KIAA0825: variants seen among roughly 807,000 people sequenced by gnomAD.
KIAA0825 encodes uncharacterized protein KIAA0825.
Under a neutral mutation model 147.6 loss-of-function variants are expected in KIAA0825, and 119 were observed. That is an observed-to-expected ratio of 0.81 (90% CI 0.69 to 0.94). KIAA0825 has a LOEUF of 0.94. Ranked by LOEUF, KIAA0825 falls within the 40% of genes least tolerant of loss-of-function variation. The pLI is 0.00. For synonymous variants in KIAA0825, 470 were observed against 518.1 expected (o/e 0.91, Z 1.26); for missense variants, 1,381 against 1,472.7 (o/e 0.94, Z 1.02).
chr5:94,381,204 G>C (rs994496417), intron 20 of KIAA0825, among the ~76,000 whole-genome samples: 1 of 152,090 alleles, frequency 6.6e-6, no homozygotes, highest in Non-Finnish European at 1.5e-5. Flanking sequence ...CTGAGTGTTC[G>C]ATCTTACAGC....
chr5:94,440,142 G>A, intron 13 of KIAA0825, 21 bp from the exon 14 acceptor site: 1 of 1,549,498 alleles, frequency 6.5e-7, no homozygotes. Context: ...GCAAGATAAA[G>A]ATGGAGTAAT....
intron 20 of KIAA0825, among the ~76,000 whole-genome samples, chr5:94,370,038 A>C (rs561729387): frequency 6.6e-6 from 1 of 152,356 alleles, no homozygotes. Context: ...AAACCTGTAT[A>C]CAAATGTTTT....
chr5:94,251,955 T>C (rs1243855443), intron 20 of KIAA0825, among the ~76,000 whole-genome samples: 1 of 152,068 alleles, frequency 6.6e-6, no homozygotes, highest in Non-Finnish European at 1.5e-5. Context: ...AAAAGTTTTT[T>C]CATTATGGAT....
At chr5:94,170,071 G>A (rs918352216) in intron 20 of KIAA0825, among the ~76,000 whole-genome samples, 10 of 152,034 alleles carry the variant, frequency 6.6e-5, no homozygotes, top group Admixed American at 2.0e-4. Flanking sequence ...AGGTCGAGGC[G>A]GGCAGTTCAC....
intron 20 of KIAA0825, among the ~76,000 whole-genome samples, chr5:94,337,468 G>A (rs1423427115): frequency 1.3e-5 from 2 of 151,990 alleles, no homozygotes; most frequent in Non-Finnish European, 2.9e-5. Context: ...TTTCTCTATT[G>A]TTTACATTTA....
chr5:94,555,324 T>C (rs759959524), intron 2 of KIAA0825, among the ~76,000 whole-genome samples: 5 of 152,168 alleles, frequency 3.3e-5, no homozygotes, highest in Non-Finnish European at 7.4e-5. Context: ...GAACTTGTTA[T>C]TCCATTCAAT....
chr5:94,569,950 A>T (rs1219742057), intron 2 of KIAA0825: 1 of 154,326 alleles, frequency 6.5e-6, no homozygotes, highest in African/African-American at 2.4e-5. Flanking sequence ...CATGAGGCCA[A>T]ATATTCTTCT....
intron 20 of KIAA0825, among the ~76,000 whole-genome samples, chr5:94,198,762 C>G (rs1771385551): frequency 6.6e-6 from 1 of 152,128 alleles, no homozygotes; most frequent in African/African-American, 2.4e-5. Flanking sequence ...CCAAAACTTA[C>G]AGTAAACAAC....
intron 2 of KIAA0825, among the ~76,000 whole-genome samples, chr5:94,543,333 C>G (rs1773708827): frequency 6.6e-6 from 1 of 152,116 alleles, no homozygotes; most frequent in Admixed American, 6.5e-5. Context: ...ATCCCAGCTA[C>G]TCAGGAGGCT....
In KIAA0825 at chr5:94,154,041, T is replaced by C. The variant is rs199584476; in HGVS notation, c.3794A>G (p.Asn1265Ser). 1,269 of 1,551,512 alleles carry C rather than the reference T, an allele frequency of 8.2e-4. No homozygotes were observed. The highest frequency in any genetic ancestry group is 9.7e-4 in the Non-Finnish European group (1,117 of 1,146,878). The change falls in exon 21 of 21, where the codon AAC (asparagine) becomes AGC (serine). Residue 1265 changes from asparagine (N) to serine (S), a missense_variant. Physicochemically the swap from Asn to Ser is conservative, Grantham distance 46. Transcript: ENST00000682413. Reference protein sequence around the residue: ...EHLKQICTPQNSSASDNIEEQ With the variant: ...EHLKQICTPQSSSASDNIEEQ ...CTCTATGTTATCTGAGGCAGAAGAG[T>C]TCTGTGGGGTGCAAATTTGTTTTAA...
chr5:94,228,353 A>G (rs1303135892), intron 20 of KIAA0825, among the ~76,000 whole-genome samples: 1 of 152,154 alleles, frequency 6.6e-6, no homozygotes, highest in Non-Finnish European at 1.5e-5. Flanking sequence ...CCATTTTTCT[A>G]AATAGTCTTC....
In KIAA0825 at chr5:94,616,122, A is replaced by T. The variant is rs566738212; in HGVS notation, c.-153+2378T>A. Among the ~76,000 whole-genome samples the T allele has an allele frequency of 2.0e-5, 3 of 152,312 alleles. No individual in the cohort carries two copies. In the South Asian group the frequency reaches 6.2e-4, roughly 32 times the overall value. On this transcript the variant is annotated intron_variant, in intron 1 of 20. Transcript: ENST00000682413. ...CAAAACAGACATAATCCCAAACTTC[A>T]TAAGCACTGAAATTTGATAGCAAAA...
intron 14 of KIAA0825, among the ~76,000 whole-genome samples, chr5:94,436,369 T>C (rs920619639): frequency 6.6e-6 from 1 of 152,220 alleles, no homozygotes; most frequent in African/African-American, 2.4e-5. Context: ...CAGAACCATT[T>C]ATTAAATAGG....
chr5:94,419,459 T>G (rs893453052), intron 14 of KIAA0825, among the ~76,000 whole-genome samples: 1 of 152,154 alleles, frequency 6.6e-6, no homozygotes, highest in Non-Finnish European at 1.5e-5. Flanking sequence ...GGATCAAGAG[T>G]TCCACAATCT....
chr5:94,415,487 A>C (rs995102132), intron 15 of KIAA0825: 1 of 152,118 alleles, frequency 6.6e-6, no homozygotes, highest in African/African-American at 2.4e-5. Context: ...TAAAATAACC[A>C]TGATTGCTAA....
At chr5:94,326,806 T>C (rs1301311911) in intron 20 of KIAA0825, among the ~76,000 whole-genome samples, 2 of 152,154 alleles carry the variant, frequency 1.3e-5, no homozygotes, top group Non-Finnish European at 2.9e-5. Context: ...GAAATTCCAG[T>C]CCAAAAGGCT....
At chr5:94,394,291 A>G (rs891723271) in intron 17 of KIAA0825, among the ~76,000 whole-genome samples, 30 of 152,232 alleles carry the variant, frequency 2.0e-4, no homozygotes, top group African/African-American at 2.4e-5. Flanking sequence ...TGCACTTTGT[A>G]TATTGATATC....
At chr5:94,269,104 C>T (rs913827258) in intron 20 of KIAA0825, among the ~76,000 whole-genome samples, 2 of 152,088 alleles carry the variant, frequency 1.3e-5, no homozygotes, top group African/African-American at 4.8e-5. Flanking sequence ...TTAAGATGAA[C>T]TAGACTATGG....
chr5:94,574,076 T>C (rs1477695808), intron 2 of KIAA0825, among the ~76,000 whole-genome samples: 2 of 152,052 alleles, frequency 1.3e-5, no homozygotes, highest in African/African-American at 2.4e-5. Flanking sequence ...TATGGGCAGA[T>C]GGAGATAGGA....
Sources: gnomAD v4.1 joint callset for allele counts (sites outside exome capture counted in the v4.1 genomes callset) on GRCh38, gnomAD v4.1.1 for gene constraint, MANE v1.5 for transcripts, NCBI Gene and HGNC (gene_info 2026-07-23, HGNC 2026-07-21) for gene names.